KDM4C: variants seen among roughly 807,000 people sequenced by gnomAD.
The protein encoded by KDM4C is lysine demethylase 4C.
KDM4C carries 81 observed loss-of-function variants against 129.3 expected under a neutral mutation model. The ratio of observed to expected loss-of-function variants is 0.63; its 90% CI spans 0.52 to 0.75. The LOEUF (loss-of-function observed/expected upper bound fraction) is 0.75. Ranked by LOEUF, KDM4C falls within the 30% of genes least tolerant of loss-of-function variation. KDM4C has a pLI of 0.00. For missense variants in KDM4C, 1,457 were observed against 1,304.0 expected, an observed-to-expected ratio of 1.12 and a Z score of -1.81; for synonymous variants, 573 against 456.1, an observed-to-expected ratio of 1.26 and a Z score of -3.26.
intron 8 of KDM4C, among the ~76,000 whole-genome samples, chr9:6,933,481 A>G (rs894061811): frequency 1.3e-5 from 2 of 152,224 alleles, no homozygotes; most frequent in African/African-American, 4.8e-5. Context: ...CTTTTGGAAA[A>G]TAGTGATTCT....
chr9:6,971,460 A>G (rs535392772), intron 8 of KDM4C, among the ~76,000 whole-genome samples: 9 of 152,358 alleles, frequency 5.9e-5, no homozygotes, highest in South Asian at 2.1e-4. Context: ...GAGTAAAAAT[A>G]CACCTGATCG....
intron 19 of KDM4C, among the ~76,000 whole-genome samples, chr9:7,162,139 A>G (rs1422932339): frequency 2.0e-5 from 3 of 152,222 alleles, no homozygotes; most frequent in African/African-American, 7.2e-5. Flanking sequence ...ATGGATGAGA[A>G]TCGTGCCCCC....
At position 6,829,432 on chromosome 9, in the gene KDM4C, A is replaced by G. The variant is rs561800837; in HGVS notation, c.435+14687A>G. Among the ~76,000 whole-genome samples the G allele has an allele frequency of 3.0e-4, 46 of 152,306 alleles. No individual in the cohort carries two copies. In the South Asian group the frequency reaches 9.5e-3, roughly 32 times the overall value. ...ATTACTAAAGGAGAAAGAACATGAA[A>G]CTCAGAGGTGAAAAGTGAGAGTTTT... On this transcript the variant is annotated intron_variant, in intron 4 of 21. Coordinates refer to ENST00000381309, the MANE Select transcript of KDM4C (RefSeq NM_015061.6).
chr9:7,164,655 C>T (rs1213085777), intron 19 of KDM4C, among the ~76,000 whole-genome samples: 1 of 152,174 alleles, frequency 6.6e-6, no homozygotes, highest in Non-Finnish European at 1.5e-5. Context: ...ATTGGCAAGT[C>T]CTACCGGCTT....
chr9:6,899,254 A>C (rs1367997564), intron 8 of KDM4C, among the ~76,000 whole-genome samples: 1 of 152,074 alleles, frequency 6.6e-6, no homozygotes, highest in Admixed American at 6.6e-5. Context: ...CCACATGTGC[A>C]TAGCCCCCCA....
chr9:6,854,232 G>A (rs998800627), intron 5 of KDM4C, among the ~76,000 whole-genome samples: 1 of 151,958 alleles, frequency 6.6e-6, no homozygotes, highest in African/African-American at 2.4e-5. Flanking sequence ...CAAACAAAAT[G>A]AATAAGAAAC....
chr9:7,102,960 T>G (rs1010094410), intron 17 of KDM4C, among the ~76,000 whole-genome samples: 2 of 152,230 alleles, frequency 1.3e-5, no homozygotes, highest in African/African-American at 4.8e-5. Context: ...TAGGGCTAAT[T>G]GTATGCAATT....
At chr9:7,125,333 C>T (rs1053782266) in intron 18 of KDM4C, among the ~76,000 whole-genome samples, 1 of 152,196 alleles carries the variant, frequency 6.6e-6, no homozygotes, top group Admixed American at 6.5e-5. Flanking sequence ...CTGTAGATGG[C>T]ATGCTAGAAT....
Position 6,849,524 on chromosome 9 carries a change from C to G in KDM4C, c.453C>G (p.Asn151Lys). The change falls in exon 5 of 22, where the codon AAC (asparagine) becomes AAG (lysine). Residue 151 changes from asparagine to lysine, a missense_variant. By Grantham distance (94) the Asn-to-Lys change is moderately conservative. Transcript: ENST00000381309. ...CATTCCAGGGTGTGGATGAATGGAA[C>G]ATAGCTCGCCTCAATACAGTCTTGG... ...SIYDEGVDEWNIARLNTVLDV... is the reference protein window; with the variant it reads ...SIYDEGVDEWKIARLNTVLDV... 1 of 1,592,524 alleles carries G rather than the reference C, an allele frequency of 6.3e-7. No homozygotes were observed. The highest frequency in any genetic ancestry group is 2.3e-5 in the East Asian group (1 of 44,334).
chr9:6,740,564 G>T (rs1346303113), intron 1 of KDM4C, among the ~76,000 whole-genome samples: 3 of 151,598 alleles, frequency 2.0e-5, no homozygotes, highest in Non-Finnish European at 4.4e-5. Context: ...TGTTGCCCAG[G>T]ATCTAGTGCA....
At chr9:6,915,605 A>C (rs1408817053) in intron 8 of KDM4C, among the ~76,000 whole-genome samples, 1 of 152,242 alleles carries the variant, frequency 6.6e-6, no homozygotes, top group Non-Finnish European at 1.5e-5. Context: ...GATAACAAAA[A>C]TACGGGAAAT....
rs1563927016 is a variant in KDM4C at position 6,749,773 on chromosome 9, G to A, written c.49+28776G>A. On this transcript the variant is annotated intron_variant, in intron 1 of 17. Coordinates refer to the KDM4C transcript ENST00000536108. Reference sequence around the variant, plus strand: ...AGGCTGAGGTGGGAGGATCACCTTAGGTCAGGAGTTCGAGGCCAGCCTGAC... The same window carrying A: ...AGGCTGAGGTGGGAGGATCACCTTAAGTCAGGAGTTCGAGGCCAGCCTGAC... 2.0e-5 allele frequency among the ~76,000 whole-genome samples: 3 copies of A among 150,478 alleles called. No individual in the cohort carries two copies. The South Asian group carries it at 6.3e-4, about 32-fold the overall frequency.
intron 11 of KDM4C, among the ~76,000 whole-genome samples, chr9:6,989,839 A>G (rs1230413804): frequency 2.0e-5 from 3 of 152,022 alleles, no homozygotes; most frequent in Admixed American, 2.0e-4. Flanking sequence ...CAGTGGCTTG[A>G]TCTTGGCTCA....
intron 17 of KDM4C, among the ~76,000 whole-genome samples, chr9:7,091,806 A>T (rs140172744): frequency 2.7e-3 from 416 of 152,326 alleles, no homozygotes; most frequent in Non-Finnish European, 4.4e-3. Context: ...GGGCAGGAAA[A>T]GTCACATGGT....
intron 17 of KDM4C, among the ~76,000 whole-genome samples, chr9:7,092,516 T>C (rs1393001422): frequency 6.6e-6 from 1 of 152,208 alleles, no homozygotes; most frequent in Non-Finnish European, 1.5e-5. Context: ...TTTCTCTTCA[T>C]AATTTATCAT....
In KDM4C at chr9:7,098,993, T is replaced by C. The variant is rs76772180; in HGVS notation, c.2425-4692T>C. On this transcript the variant is annotated intron_variant, in intron 17 of 21. Transcript: ENST00000381309. Reference sequence around the variant, plus strand: ...CGATCCTCTGACTTGCCTGCAGCAATAGTGATGTCCGTTGAGCCAAACATT... The same window carrying C: ...CGATCCTCTGACTTGCCTGCAGCAACAGTGATGTCCGTTGAGCCAAACATT... Among the ~76,000 whole-genome samples, 520 of 152,308 alleles carry C rather than the reference T, an allele frequency of 3.4e-3. 3 individuals carry two copies. Among genetic ancestry groups the C allele is most frequent in the African/African-American group, 0.012 (502 of 41,560 alleles).
chr9:7,057,741 C>T (rs550756039), intron 17 of KDM4C, among the ~76,000 whole-genome samples: 1 of 152,112 alleles, frequency 6.6e-6, no homozygotes. Flanking sequence ...GTTAAACTGG[C>T]GTGTTCTGTC....
chr9:6,917,709 T>G (rs1820580537), intron 8 of KDM4C, among the ~76,000 whole-genome samples: 1 of 152,222 alleles, frequency 6.6e-6, no homozygotes. Context: ...CTTTGCTGAT[T>G]GTCTTGCTTC....
At chr9:7,083,634 G>C (rs192440450) in intron 17 of KDM4C, among the ~76,000 whole-genome samples, 2 of 151,452 alleles carry the variant, frequency 1.3e-5, no homozygotes, top group Non-Finnish European at 2.9e-5. Flanking sequence ...GCCAAAATTA[G>C]GTATTACAAT....
Sources: allele counts gnomAD v4.1 joint callset (sites outside exome capture counted in the v4.1 genomes callset), GRCh38; gene constraint gnomAD v4.1.1; transcripts MANE v1.5; gene names NCBI Gene and HGNC (gene_info 2026-07-23, HGNC 2026-07-21).